Variants in XPR1 observed in about 807,000 individuals in gnomAD.
The protein encoded by XPR1 is xenotropic and polytropic retrovirus receptor 1.
Under a neutral mutation model 87.5 loss-of-function variants are expected in XPR1, and 28 were observed. That is an observed-to-expected ratio of 0.32 (90% confidence interval 0.24 to 0.44). The LOEUF (loss-of-function observed/expected upper bound fraction) is 0.44. Among genes scored for constraint, XPR1 ranks in the 20% least tolerant of loss-of-function variants. The pLI is 1.00. For synonymous variants in XPR1, 300 were observed against 306.1 expected (o/e 0.98, Z 0.21); for missense variants, 559 against 862.3 (o/e 0.65, Z 4.41).
chr1:180,776,473 T>C (rs1378784709), intron 2 of XPR1, among the ~76,000 whole-genome samples: 2 of 152,014 alleles, frequency 1.3e-5, no homozygotes, highest in Non-Finnish European at 2.9e-5. Context: ...ATGGAAATTA[T>C]ACAATTTCCA....
chr1:180,717,067 A>C (rs1355009522), intron 2 of XPR1, among the ~76,000 whole-genome samples: 2 of 152,182 alleles, frequency 1.3e-5, no homozygotes, highest in African/African-American at 4.8e-5. Context: ...ATCTCAGCTC[A>C]CTACAACCTC....
intron 2 of XPR1, among the ~76,000 whole-genome samples, chr1:180,703,547 G>A (rs1045109791): frequency 6.6e-6 from 1 of 152,176 alleles, no homozygotes; most frequent in African/African-American, 2.4e-5. Context: ...AGGCAGGGCA[G>A]ATCAGTCCTC....
chr1:180,754,547 A>G (rs1444608324), intron 2 of XPR1, among the ~76,000 whole-genome samples: 1 of 151,964 alleles, frequency 6.6e-6, no homozygotes, highest in African/African-American at 2.4e-5. Context: ...TGCATCCTCA[A>G]CCTCCTGGGC....
Position 180,787,767 on chromosome 1 carries a change from A to G in XPR1, c.136A>G (p.Thr46Ala), listed in dbSNP as rs1489409044. The G allele has an allele frequency of 2.5e-6, 4 of 1,609,890 alleles. No homozygotes were observed. The African/African-American group carries it at 4.0e-5, about 16-fold the overall frequency. ...CTGTCTTTCAGTTACAGATGAGGAC[A>G]CAGTAAAGAGGTATTTTGCCAAGTT... ...APSVEVTDED[T>A]VKRYFAKFEE... is the part of the protein sequence containing the mutation. Residue 46 changes from threonine (T) to alanine (A), a missense_variant, in exon 3 of 15, where the codon ACA becomes GCA. Physicochemically the swap from Thr to Ala is moderately conservative, Grantham distance 58. Around this residue, in one of 7 missense-constraint regions of XPR1, gnomAD observed 159 missense variants for 263.3 expected, o/e 0.60. Transcript: ENST00000367590.
In XPR1 at chr1:180,769,247, G is replaced by A. The variant is rs1251393278; in HGVS notation, c.122-18506G>A. 2.0e-5 allele frequency among the ~76,000 whole-genome samples: 3 copies of A among 152,026 alleles called. No individual in the cohort carries two copies. The East Asian group carries it at 5.8e-4, about 29-fold the overall frequency. On this transcript the variant is annotated intron_variant, in intron 2 of 14. Transcript: ENST00000367590. ...ATCCCTTCAAGCATTTATCCTGTGT[G>A]TTACAAACAATCCAATTATACTCTT...
intron 2 of XPR1, among the ~76,000 whole-genome samples, chr1:180,727,970 A>G (rs954424199): frequency 6.6e-6 from 1 of 152,114 alleles, no homozygotes; most frequent in African/African-American, 2.4e-5. Flanking sequence ...CAAGGTCTTT[A>G]TGCCAGTATC....
chr1:180,725,852 C>T (rs924685743), intron 2 of XPR1, among the ~76,000 whole-genome samples: 1 of 152,166 alleles, frequency 6.6e-6, no homozygotes, highest in Non-Finnish European at 1.5e-5. Context: ...TGCTATGTGC[C>T]CTTAAGCAAG....
intron 1 of XPR1, among the ~76,000 whole-genome samples, chr1:180,661,707 TA>T (rs923004588): frequency 6.6e-6 from 1 of 151,672 alleles, no homozygotes; most frequent in Non-Finnish European, 1.5e-5. Context: ...CAGTCTGTAC[TA>T]AAAAAAATAT....
intron 7 of XPR1, among the ~76,000 whole-genome samples, chr1:180,822,866 G>A (rs6668077): frequency 1.3e-5 from 2 of 152,062 alleles, no homozygotes; most frequent in Non-Finnish European, 2.9e-5. Context: ...TTTCTCTACC[G>A]TGTTATTTTA....
chr1:180,704,259 T>TATATATATAG (rs1657469282), intron 2 of XPR1, among the ~76,000 whole-genome samples: 1 of 136,936 alleles, frequency 7.3e-6, no homozygotes, highest in Non-Finnish European at 1.6e-5. Context: ...TATATATATA[T>TATATATATAG]ATATATATAT....
At chr1:180,773,016 C>T (rs937771581) in intron 2 of XPR1, among the ~76,000 whole-genome samples, 1 of 152,096 alleles carries the variant, frequency 6.6e-6, no homozygotes, top group Non-Finnish European at 1.5e-5. Flanking sequence ...GGTACAGTTC[C>T]CCAGTACCCT....
At chr1:180,740,816 A>T (rs1658891203) in intron 2 of XPR1, among the ~76,000 whole-genome samples, 1 of 152,172 alleles carries the variant, frequency 6.6e-6, no homozygotes, top group South Asian at 2.1e-4. Flanking sequence ...GGGAATTCTT[A>T]GGTCAAAGCA....
Position 180,884,184 on chromosome 1 carries a change from C to T in XPR1, c.*118C>T. On this transcript the variant is annotated 3_prime_UTR_variant, in exon 15 of 15. Transcript: ENST00000367590. Reference sequence around the variant, plus strand: ...CAGGAGAAAACACATAACACATTTTCCGAGCTCTTCCGGATCGGATCCTAT... The same window carrying T: ...CAGGAGAAAACACATAACACATTTTTCGAGCTCTTCCGGATCGGATCCTAT... 1.3e-6 allele frequency: 1 copy of T among 743,212 alleles called. No individual in the cohort carries two copies. The highest frequency in any genetic ancestry group is 2.1e-6 in the Non-Finnish European group (1 of 470,534). 46.0% of individuals were successfully genotyped at this position (743,212 alleles called of 1,614,324 possible). A position where few individuals can be genotyped will look rare whatever the true frequency, so the allele number is the denominator to read the frequency against.
intron 2 of XPR1, among the ~76,000 whole-genome samples, chr1:180,712,583 G>T (rs558557244): frequency 6.6e-6 from 1 of 152,246 alleles, no homozygotes; most frequent in South Asian, 2.1e-4. Context: ...CGAGACAGTG[G>T]ATCACCTGAG....
chr1:180,706,970 A>G (rs1197064873), intron 2 of XPR1, among the ~76,000 whole-genome samples: 1 of 152,190 alleles, frequency 6.6e-6, no homozygotes, highest in Non-Finnish European at 1.5e-5. Context: ...AGTATTTTCT[A>G]TAAAGTAATA....
intron 2 of XPR1, among the ~76,000 whole-genome samples, chr1:180,779,282 A>C (rs1452583805): frequency 6.6e-6 from 1 of 152,058 alleles, no homozygotes; most frequent in Non-Finnish European, 1.5e-5. Context: ...ACTTGTGTAG[A>C]TTTCTTTCTG....
chr1:180,829,869 T>C (rs1650994421), intron 9 of XPR1, among the ~76,000 whole-genome samples: 1 of 152,020 alleles, frequency 6.6e-6, no homozygotes, highest in African/African-American at 2.4e-5. Context: ...TTCAGTCCCA[T>C]CCCACCATCC....
At chr1:180,828,078 A>G (rs534614524) in intron 9 of XPR1, among the ~76,000 whole-genome samples, 11 of 151,954 alleles carry the variant, frequency 7.2e-5, no homozygotes, top group Admixed American at 6.6e-4. Flanking sequence ...GGGTTTTGCC[A>G]TGTTGCCCAG....
intron 6 of XPR1, among the ~76,000 whole-genome samples, chr1:180,810,108 T>C (rs1183430557): frequency 2.0e-5 from 3 of 152,212 alleles, no homozygotes; most frequent in Non-Finnish European, 4.4e-5. Context: ...CTCATCACTT[T>C]ACAATCTTAG....
Sources: gnomAD v4.1 joint callset for allele counts (sites outside exome capture counted in the v4.1 genomes callset) on GRCh38, gnomAD v4.1.1 for gene constraint, gnomAD v4.1.1 regional missense constraint, MANE v1.5 for transcripts, NCBI Gene and HGNC (gene_info 2026-07-23, HGNC 2026-07-21) for gene names.